FTO: variants seen among roughly 807,000 people sequenced by gnomAD.
FTO encodes the protein FTO alpha-ketoglutarate dependent dioxygenase, also known as alpha-ketoglutarate-dependent dioxygenase FTO.
FTO carries 47 observed loss-of-function variants against 63.9 expected under a neutral mutation model. The observed-to-expected ratio is 0.74, with a 90% CI of 0.58 to 0.94. The LOEUF (loss-of-function observed/expected upper bound fraction) is 0.94. Among genes scored for constraint, FTO ranks in the 40% least tolerant of loss-of-function variants. The probability of loss-of-function intolerance (pLI) is 0.00; values close to 1 mark genes in which losing one functional copy is unlikely to be tolerated. For missense variants in FTO, 562 were observed against 618.1 expected (o/e 0.91, Z 0.96); for synonymous variants, 207 against 224.4 (o/e 0.92, Z 0.69).
chr16:53,887,216 C>T (rs138529165), intron 6 of FTO, among the ~76,000 whole-genome samples: 4 of 152,174 alleles, frequency 2.6e-5, no homozygotes, highest in Non-Finnish European at 5.9e-5. Context: ...TTTCATCTTG[C>T]AGCTACCCCT....
intron 4 of FTO, among the ~76,000 whole-genome samples, chr16:53,863,219 C>T (rs2080224497): frequency 6.6e-6 from 1 of 152,128 alleles, no homozygotes; most frequent in Admixed American, 6.6e-5. Context: ...TTCGAGTAAA[C>T]TTTTTTCAGA....
intron 8 of FTO, among the ~76,000 whole-genome samples, chr16:54,016,355 G>T (rs558580050): frequency 1.3e-5 from 2 of 151,168 alleles, no homozygotes; most frequent in African/African-American, 4.8e-5. Context: ...ACAGTCACTT[G>T]TAACAATGGG....
At chr16:54,074,448 T>C (rs1360378875) in intron 8 of FTO, among the ~76,000 whole-genome samples, 1 of 152,194 alleles carries the variant, frequency 6.6e-6, no homozygotes, top group Admixed American at 6.5e-5. Flanking sequence ...TATATACTTG[T>C]ATATATACTT....
At chr16:53,916,114 C>A (rs559532582) in intron 7 of FTO, among the ~76,000 whole-genome samples, 16 of 152,290 alleles carry the variant, frequency 1.1e-4, no homozygotes, top group African/African-American at 3.6e-4. Context: ...CAAGGTGCTT[C>A]AGTGGGGATA....
intron 1 of FTO, among the ~76,000 whole-genome samples, chr16:53,751,628 A>T (rs1304454544): frequency 6.6e-6 from 1 of 152,140 alleles, no homozygotes; most frequent in Non-Finnish European, 1.5e-5. Context: ...TAGGTGAGTG[A>T]TTGCCCAGGG....
At chr16:53,761,804 A>G (rs2077078712) in intron 1 of FTO, among the ~76,000 whole-genome samples, 1 of 152,200 alleles carries the variant, frequency 6.6e-6, no homozygotes, top group Non-Finnish European at 1.5e-5. Context: ...TAGTCTGCTC[A>G]TTGATTACCT....
intron 8 of FTO, among the ~76,000 whole-genome samples, chr16:54,010,116 C>A (rs565946763): frequency 1.3e-5 from 2 of 152,096 alleles, no homozygotes; most frequent in Non-Finnish European, 2.9e-5. Context: ...AGTTCTTGCA[C>A]TTTAATACAA....
At chr16:53,862,971 G>C (rs2080218311) in intron 4 of FTO, among the ~76,000 whole-genome samples, 1 of 152,112 alleles carries the variant, frequency 6.6e-6, no homozygotes, top group Non-Finnish European at 1.5e-5. Flanking sequence ...AATCTCTTGA[G>C]TTCACTCATC....
Position 53,911,761 on chromosome 16 carries a change from A to T in FTO, c.1240-22224A>T, listed in dbSNP as rs954169319. Reference sequence around the variant, plus strand: ...AGCCTTAAACATTTTAATTTGCAAAACCTTTGTTGTATTAAATCACAAATG... The same window carrying T: ...AGCCTTAAACATTTTAATTTGCAAATCCTTTGTTGTATTAAATCACAAATG... On this transcript the variant is annotated intron_variant, in intron 7 of 8. Transcript: ENST00000471389. Among the ~76,000 whole-genome samples, 8 of 152,254 alleles carry T rather than the reference A, an allele frequency of 5.3e-5. No individual in the cohort carries two copies. In the South Asian group the frequency reaches 8.3e-4, roughly 16 times the overall value.
chr16:54,119,119 T>C lies in FTO; in HGVS notation c.*7204T>C, dbSNP rs2144648756. 6.6e-6 allele frequency: 1 copy of C among 152,294 alleles called. No homozygotes were observed. Among genetic ancestry groups the C allele is most frequent in the African/African-American group, 2.4e-5 (1 of 41,568 alleles). 9.4% of individuals were successfully genotyped at this position (152,294 alleles called of 1,614,324 possible). A position where few individuals can be genotyped will look rare whatever the true frequency, so the allele number is the denominator to read the frequency against. ...ATCATGTTAAGGCCTCTTTAGGTTT[T>C]TCAGACTCCATGCACCCTGTGGAAA... On this transcript the variant is annotated 3_prime_UTR_variant, in exon 9 of 9. Transcript: ENST00000471389.
chr16:53,832,936 C>T (rs2079182448), intron 3 of FTO, among the ~76,000 whole-genome samples: 1 of 152,092 alleles, frequency 6.6e-6, no homozygotes, highest in Admixed American at 6.5e-5. Flanking sequence ...TGGAATCATA[C>T]AATATTTGAC....
At chr16:53,940,805 A>G (rs2082510862) in intron 8 of FTO, among the ~76,000 whole-genome samples, 1 of 152,142 alleles carries the variant, frequency 6.6e-6, no homozygotes, top group African/African-American at 2.4e-5. Context: ...TATCTTCCTC[A>G]TATTGGTCTA....
intron 1 of FTO, among the ~76,000 whole-genome samples, chr16:53,774,741 A>G (rs1428654639): frequency 6.6e-6 from 1 of 152,122 alleles, no homozygotes; most frequent in Non-Finnish European, 1.5e-5. Flanking sequence ...AAACAATATT[A>G]CAGATTGGCT....
chr16:53,715,193 A>G (rs2075866152), intron 1 of FTO, among the ~76,000 whole-genome samples: 1 of 152,198 alleles, frequency 6.6e-6, no homozygotes, highest in South Asian at 2.1e-4. Flanking sequence ...TTCCCTTGCA[A>G]CACTGAGTGC....
intron 2 of FTO, among the ~76,000 whole-genome samples, chr16:53,820,357 T>C (rs891554347): frequency 7.2e-5 from 11 of 152,062 alleles, no homozygotes; most frequent in African/African-American, 2.7e-4. Context: ...GGACAGATTA[T>C]TAAACTAATA....
At chr16:54,065,007 G>C (rs1243951515) in intron 8 of FTO, among the ~76,000 whole-genome samples, 2 of 152,036 alleles carry the variant, frequency 1.3e-5, no homozygotes, top group African/African-American at 4.8e-5. Flanking sequence ...AAGTGGTCTG[G>C]CCCCCACCCG....
chr16:53,809,003 C>T (rs879727205), intron 1 of FTO, among the ~76,000 whole-genome samples: 11 of 152,124 alleles, frequency 7.2e-5, no homozygotes, highest in East Asian at 5.8e-4. Context: ...CACGTACACA[C>T]GAAAACTCCA....
intron 8 of FTO, among the ~76,000 whole-genome samples, chr16:54,100,694 C>A (rs1270467250): frequency 2.6e-5 from 4 of 152,138 alleles, no homozygotes; most frequent in African/African-American, 9.7e-5. Context: ...TTCTTATTAT[C>A]CCTTTGGTGT....
At chr16:54,014,850 C>CTTTTTTT (rs149634902) in intron 8 of FTO, among the ~76,000 whole-genome samples, 5 of 102,928 alleles carry the variant, frequency 4.9e-5, no homozygotes, top group Admixed American at 1.2e-4. Flanking sequence ...CTCTCTCTCT[C>CTTTTTTT]TTTTTTTTTT....
Sources: gnomAD v4.1 joint callset for allele counts (sites outside exome capture counted in the v4.1 genomes callset) on GRCh38, gnomAD v4.1.1 for gene constraint, MANE v1.5 for transcripts, NCBI Gene and HGNC (gene_info 2026-07-23, HGNC 2026-07-21) for gene names.